Variants in CHERP observed in about 807,000 individuals in gnomAD.
CHERP encodes calcium homeostasis endoplasmic reticulum protein.
A neutral mutation model predicts 113.8 loss-of-function variants in CHERP; 8 were observed. The ratio of observed to expected loss-of-function variants is 0.07; its 90% confidence interval spans 0.04 to 0.13. CHERP has a LOEUF of 0.13. CHERP is among the 10% of genes least tolerant of loss of function. The probability of loss-of-function intolerance (pLI) is 1.00; values close to 1 mark genes in which losing one functional copy is unlikely to be tolerated. For missense variants in CHERP, 884 were observed against 1,298.2 expected (o/e 0.68, Z 4.90); for synonymous variants, 559 against 524.5 (o/e 1.07, Z -0.90).
At position 16,535,145 on chromosome 19, in the gene CHERP, C is replaced by G. The variant is rs2085732480; in HGVS notation, c.384+307G>C. ...ACTGTGTGGTGGGGCCAATGGTAGGCACCAGAGGCTGCCTGGCCACAGCCA... is the reference window on the plus strand; with the variant it reads ...ACTGTGTGGTGGGGCCAATGGTAGGGACCAGAGGCTGCCTGGCCACAGCCA... On this transcript the variant is annotated intron_variant, in intron 3 of 16. Transcript: ENST00000546361. This position sits in a 1 kb window ranked among gnomAD's most constrained non-coding sequence, Gnocchi z 4.3. Among the ~76,000 whole-genome samples the G allele has an allele frequency of 6.6e-6, 1 of 152,210 alleles. No individual in the cohort carries two copies. The highest frequency in any genetic ancestry group is 1.5e-5 in the Non-Finnish European group (1 of 68,036).
At chr19:16,527,914 A>G (rs111525837) in intron 9 of CHERP, among the ~76,000 whole-genome samples, 166 bp downstream of exon 9, 7 of 152,324 alleles carry the variant, frequency 4.6e-5, no homozygotes, top group African/African-American at 1.7e-4. Flanking sequence ...CCTGTCCCGG[A>G]GCCACAGGAA....
intron 5 of CHERP, among the ~76,000 whole-genome samples, chr19:16,531,081 C>T (rs2085699728): frequency 6.6e-6 from 1 of 152,152 alleles, no homozygotes; most frequent in Non-Finnish European, 1.5e-5. Context: ...AAACAGCAAG[C>T]AGGGGAGGGA....
chr19:16,532,986 G>C lies in CHERP; in HGVS notation c.522+25C>G, dbSNP rs773634829. Reference sequence around the variant, plus strand: ...CAGGGAGGGACCAAGGGAAAGCTGGGCTCTGGGAAGTGCTGGCCCCTCACC... The same window carrying C: ...CAGGGAGGGACCAAGGGAAAGCTGGCCTCTGGGAAGTGCTGGCCCCTCACC... On this transcript the variant is annotated intron_variant, in intron 4 of 16. Coordinates refer to ENST00000546361, the MANE Select transcript of CHERP (RefSeq NM_006387.6). The surrounding 1 kb of genome is among the most constrained non-coding windows in gnomAD (Gnocchi z 4.4). 3.8e-6 allele frequency: 6 copies of C among 1,558,920 alleles called. No homozygotes were observed. The highest frequency in any genetic ancestry group is 4.3e-6 in the Non-Finnish European group (5 of 1,150,668).
At position 16,528,062 on chromosome 19, in the gene CHERP, C is replaced by A. The variant is rs747644951; in HGVS notation, c.1305+18G>T. ...CAAGTGTGCCCCATCTGCTCCCACC[C>A]CAGGTTCCAATCAATACCTGCTGCT... On this transcript the variant is annotated intron_variant, in intron 9 of 16. Coordinates refer to ENST00000546361, the MANE Select transcript of CHERP (RefSeq NM_006387.6). The A allele has an allele frequency of 3.7e-6, 6 of 1,611,616 alleles. No individual in the cohort carries two copies. The African/African-American group carries it at 5.3e-5, about 14-fold the overall frequency.
intron 9 of CHERP, among the ~76,000 whole-genome samples, chr19:16,526,761 C>T (rs2085660343): frequency 1.3e-5 from 2 of 151,992 alleles, no homozygotes; most frequent in South Asian, 4.1e-4. Context: ...CCACCACGCC[C>T]AGCCTTGCTT....
rs745692744 is a variant in CHERP at position 16,520,526 on chromosome 19, T to G, written c.2202-19A>C. On this transcript the variant is annotated intron_variant, in intron 13 of 16. Transcript: ENST00000546361. This position sits in a 1 kb window ranked among gnomAD's most constrained non-coding sequence, Gnocchi z 4.0. ...GGGTCCGCTGTGGGGAGAGGCCTGA[T>G]GATCAGGTGCCCCAGTGGATGGGCT... The G allele has an allele frequency of 1.2e-6, 2 of 1,604,564 alleles. No individual in the cohort carries two copies. Among genetic ancestry groups the G allele is most frequent in the Admixed American group, 3.4e-5 (2 of 59,208 alleles).
chr19:16,530,506 G>A lies in CHERP; in HGVS notation c.876+79C>T. On this transcript the variant is annotated intron_variant, in intron 7 of 16. Coordinates refer to ENST00000546361, the MANE Select transcript of CHERP (RefSeq NM_006387.6). The surrounding 1 kb of genome is among the most constrained non-coding windows in gnomAD (Gnocchi z 4.1). ...CTCTCTGGCTGCTGGGGTGGCAGCT[G>A]CTGTCCCCACACTCCCAAACCCTCC... 5 of 1,332,924 alleles carry A rather than the reference G, an allele frequency of 3.8e-6. No individual in the cohort carries two copies. Among genetic ancestry groups the A allele is most frequent in the South Asian group, 1.2e-5 (1 of 84,836 alleles). 82.6% of individuals were successfully genotyped at this position (1,332,924 alleles called of 1,614,324 possible).
intron 5 of CHERP, among the ~76,000 whole-genome samples, chr19:16,531,328 G>A (rs2085702652): frequency 1.3e-5 from 2 of 152,176 alleles, no homozygotes; most frequent in Admixed American, 6.5e-5. Flanking sequence ...GGGAGAAGGA[G>A]GGAGGGTGCC....
At chr19:16,528,011 G>T in intron 9 of CHERP, 69 bp downstream of exon 9, 2 of 1,480,604 alleles carry the variant, frequency 1.4e-6, no homozygotes, top group Non-Finnish European at 1.9e-6. Context: ...CCACCAACTG[G>T]CATAGGGGAG....
intron 1 of CHERP, 144 bp downstream of exon 1, chr19:16,542,210 G>C: frequency 9.3e-7 from 1 of 1,070,928 alleles, no homozygotes; most frequent in Non-Finnish European, 1.3e-6. Context: ...CGCCGGGAAT[G>C]CGGGGACCCA....
At position 16,530,188 on chromosome 19, in the gene CHERP, T is replaced by C. The variant is rs2085690202; in HGVS notation, c.877-288A>G. Among the ~76,000 whole-genome samples the C allele has an allele frequency of 6.6e-6, 1 of 152,224 alleles. No individual in the cohort carries two copies. The highest frequency in any genetic ancestry group is 2.1e-4 in the South Asian group (1 of 4,838). The stretch of plus-strand genomic sequence containing the variant: ...CGCTTCGTGGCTGCTCAGCGAACAC[T>C]GCCCACCAACATTCTGGGACACGCT... On this transcript the variant is annotated intron_variant, in intron 7 of 16. Coordinates refer to ENST00000546361, the MANE Select transcript of CHERP (RefSeq NM_006387.6). The surrounding 1 kb of genome is among the most constrained non-coding windows in gnomAD (Gnocchi z 4.1).
At chr19:16,541,656 G>A (rs547123748) in intron 2 of CHERP, 2 of 509,126 alleles carry the variant, frequency 3.9e-6, no homozygotes, top group Non-Finnish European at 6.9e-6. Context: ...GCCCAGGGGG[G>A]AGGATCGAAA....
chr19:16,527,961 C>T (rs536073806), intron 9 of CHERP, 119 bp downstream of exon 9: 3 of 1,027,560 alleles, frequency 2.9e-6, no homozygotes, highest in East Asian at 5.1e-5. Flanking sequence ...AGCTCTGCCA[C>T]AGAATATCCC....
Position 16,521,625 on chromosome 19 carries a change from G to T in CHERP, c.2010C>A (p.Asp670Glu), listed in dbSNP as rs755582064. The T allele has an allele frequency of 6.2e-7, 1 of 1,607,044 alleles. No homozygotes were observed. The highest frequency in any genetic ancestry group is 8.5e-7 in the Non-Finnish European group (1 of 1,176,548). Reference sequence around the variant, plus strand: ...GGGGTGGGAGGCGGATGTCTTTAGGGTCCAAAGGCTTGTACTCGTGATCTT... The same window carrying T: ...GGGGTGGGAGGCGGATGTCTTTAGGTTCCAAAGGCTTGTACTCGTGATCTT... ...KLEDHEYKPL[D>E]PKDIRLPPPM... Residue 670 changes from aspartate to glutamate, a missense_variant, in exon 12 of 17, where the codon GAC becomes GAA. Physicochemically the swap from Asp to Glu is conservative, Grantham distance 45. Around this residue, in one of 8 missense-constraint regions of CHERP, gnomAD observed 464 missense variants for 590.1 expected, o/e 0.79. Coordinates refer to ENST00000546361, the MANE Select transcript of CHERP (RefSeq NM_006387.6).
chr19:16,533,327 T>C (rs1311257521), intron 3 of CHERP, among the ~76,000 whole-genome samples, 179 bp from the exon 4 acceptor site: 1 of 152,180 alleles, frequency 6.6e-6, no homozygotes, highest in Non-Finnish European at 1.5e-5. Flanking sequence ...CTCTCATGCC[T>C]GCCGTGAATC....
chr19:16,525,105 C>T lies in CHERP; in HGVS notation c.1741+137G>A, dbSNP rs1402791623. On this transcript the variant is annotated intron_variant, in intron 10 of 16. Transcript: ENST00000546361. This position sits in a 1 kb window ranked among gnomAD's most constrained non-coding sequence, Gnocchi z 6.5. ...CTTCCTGAGAACCCAGGCCGGGCTCCTCGGACGTCCCATGACCCTGTGTCT... is the reference window on the plus strand; with the variant it reads ...CTTCCTGAGAACCCAGGCCGGGCTCTTCGGACGTCCCATGACCCTGTGTCT... 2.3e-6 allele frequency: 2 copies of T among 856,426 alleles called. No homozygotes were observed. The highest frequency in any genetic ancestry group is 3.6e-5 in the African/African-American group (2 of 56,320). The allele number at this position is 856,426 out of a possible 1,614,324, so 53.1% of individuals were successfully genotyped here. A position where few individuals can be genotyped will look rare whatever the true frequency, so the allele number is the denominator to read the frequency against.
In CHERP at chr19:16,523,657, T is replaced by G. The variant is rs1599747454; in HGVS notation, c.1742-367A>C. Among the ~76,000 whole-genome samples, 1 of 151,926 alleles carries G rather than the reference T, an allele frequency of 6.6e-6. No homozygotes were observed. The highest frequency in any genetic ancestry group is 1.5e-5 in the Non-Finnish European group (1 of 67,984). On this transcript the variant is annotated intron_variant, in intron 10 of 16. Transcript: ENST00000546361. This position sits in a 1 kb window ranked among gnomAD's most constrained non-coding sequence, Gnocchi z 4.0. The stretch of plus-strand genomic sequence containing the variant: ...AGAGCCTTCAAAGACACAAATGAGT[T>G]AAAATGAAGCCATAGTGGCCCGAAT...
chr19:16,519,109 G>A lies in CHERP; in HGVS notation c.*50C>T, dbSNP rs946487192. 7 of 1,532,992 alleles carry A rather than the reference G, an allele frequency of 4.6e-6. No individual in the cohort carries two copies. The highest frequency in any genetic ancestry group is 6.2e-6 in the Non-Finnish European group (7 of 1,124,466). 95.0% of individuals were successfully genotyped at this position (1,532,992 alleles called of 1,614,324 possible). On this transcript the variant is annotated 3_prime_UTR_variant, in exon 17 of 17. Transcript: ENST00000546361. The surrounding 1 kb of genome is among the most constrained non-coding windows in gnomAD (Gnocchi z 6.0). ...CTTCCTCTGCCAGTCAGCCAGGAAG[G>A]TCCCACAGCCGGCACCGCTGGCCAC...
Position 16,519,411 on chromosome 19 carries a change from G to T in CHERP, c.2558-59C>A, listed in dbSNP as rs967894083. ...GGCGGAGGCAGATGGGGGTGCACGT[G>T]GGGGGCTGAATGTCCAGACAGGCAG... On this transcript the variant is annotated intron_variant, in intron 16 of 16. Coordinates refer to ENST00000546361, the MANE Select transcript of CHERP (RefSeq NM_006387.6). This position sits in a 1 kb window ranked among gnomAD's most constrained non-coding sequence, Gnocchi z 6.0. 7.2e-6 allele frequency: 11 copies of T among 1,535,320 alleles called. No homozygotes were observed. Among genetic ancestry groups the T allele is most frequent in the South Asian group, 5.8e-5 (5 of 85,730 alleles).
Sources: allele counts gnomAD v4.1 joint callset (sites outside exome capture counted in the v4.1 genomes callset), GRCh38; gene constraint gnomAD v4.1.1; regional missense constraint gnomAD v4.1.1; non-coding constraint Gnocchi (gnomAD v3.1); transcripts MANE v1.5; gene names NCBI Gene and HGNC (gene_info 2026-07-23, HGNC 2026-07-21).